The following CEP192 variants were observed in gnomAD, a reference collection of about 807,000 sequenced individuals.
The protein encoded by CEP192 is centrosomal protein 192.
CEP192 carries 151 observed loss-of-function variants against 271.8 expected under a neutral mutation model. The ratio of observed to expected loss-of-function variants is 0.56; its 90% CI spans 0.49 to 0.64. The LOEUF is 0.64. Among genes scored for constraint, CEP192 ranks in the 30% least tolerant of loss-of-function variants. The probability of loss-of-function intolerance (pLI) is 0.00; values close to 1 mark genes in which losing one functional copy is unlikely to be tolerated. For synonymous variants in CEP192, 995 were observed against 1,076.5 expected (o/e 0.92, Z 1.48); for missense variants, 2,910 against 3,020.5 (o/e 0.96, Z 0.86).
chr18:13,073,374 G>A (rs988831428), intron 30 of CEP192, among the ~76,000 whole-genome samples, 189 bp downstream of exon 30: 2 of 152,184 alleles, frequency 1.3e-5, no homozygotes, highest in Non-Finnish European at 2.9e-5. Flanking sequence ...AGCCAGCGTA[G>A]TATTCCTATA....
At chr18:13,078,832 A>G (rs2038433683) in intron 30 of CEP192, among the ~76,000 whole-genome samples, 1 of 151,716 alleles carries the variant, frequency 6.6e-6, no homozygotes, top group African/African-American at 2.4e-5. Flanking sequence ...TTTCCCACCC[A>G]GTGTCCAAGT....
At chr18:13,093,500 C>G (rs1477766117) in intron 34 of CEP192, among the ~76,000 whole-genome samples, 2 of 152,140 alleles carry the variant, frequency 1.3e-5, no homozygotes, top group Admixed American at 1.3e-4. Flanking sequence ...GTATCAGATC[C>G]ACAGAATCAA....
intron 44 of CEP192, 77 bp from the exon 45 acceptor site, chr18:13,124,555 C>T (rs2040818573): frequency 1.4e-6 from 2 of 1,408,142 alleles, no homozygotes; most frequent in Admixed American, 2.2e-5. Context: ...AACACCTGAG[C>T]CAGGCACTGT....
Position 13,059,187 on chromosome 18 carries a change from G to C in CEP192, c.4363G>C (p.Val1455Leu). 6.2e-7 allele frequency: 1 copy of C among 1,614,120 alleles called. No individual in the cohort carries two copies. Among genetic ancestry groups the C allele is most frequent in the Non-Finnish European group, 8.5e-7 (1 of 1,179,974 alleles). Residue 1455 changes from valine to leucine, a missense_variant, in exon 21 of 45, where the codon GTT becomes CTT. By Grantham distance (32) the Val-to-Leu change is conservative. Coordinates refer to ENST00000506447, the MANE Select transcript of CEP192 (RefSeq NM_032142.4). ...KVLFIPSSPG[V>L]FRCTFSVASW... Reference sequence around the variant, plus strand: ...GCTTTTTATACCATCCAGTCCTGGGGTTTTCAGATGCACATTCAGTGTTGC... The same window carrying C: ...GCTTTTTATACCATCCAGTCCTGGGCTTTTCAGATGCACATTCAGTGTTGC...
At chr18:13,086,905 C>A in intron 30 of CEP192, 112 bp from the exon 31 acceptor site, 3 of 741,730 alleles carry the variant, frequency 4.0e-6, no homozygotes, top group Non-Finnish European at 6.4e-6. Context: ...AGTACACAAA[C>A]ATTTAAATTT....
At position 13,096,239 on chromosome 18, in the gene CEP192, G is replaced by A. The variant is rs772067329; in HGVS notation, c.6489G>A (p.Leu2163=). The A allele has an allele frequency of 1.2e-5, 19 of 1,614,092 alleles. No individual in the cohort carries two copies. In the Admixed American group the frequency reaches 1.3e-4, roughly 11 times the overall value. The change falls in exon 36 of 45, where the codon CTG becomes CTA. Residue 2163 remains leucine (L), a synonymous_variant. Transcript: ENST00000506447. ...FQIVNNSVRL[L]RFELCWPAHC... ...TTGTGAATAACTCTGTGAGGTTACT[G>A]AGATTTGAGCTGTGCTGGCCAGCGC... is the stretch of plus-strand genomic sequence containing the variant.
At chr18:13,063,882 G>A (rs912664196) in intron 21 of CEP192, among the ~76,000 whole-genome samples, 2 of 150,054 alleles carry the variant, frequency 1.3e-5, no homozygotes, top group Non-Finnish European at 3.0e-5. Context: ...TTGCAGTGGC[G>A]TGATCTCGGC....
intron 30 of CEP192, among the ~76,000 whole-genome samples, chr18:13,075,718 G>A (rs1444063397): frequency 6.6e-6 from 1 of 152,152 alleles, no homozygotes; most frequent in East Asian, 1.9e-4. Flanking sequence ...TAAGATGGTG[G>A]ATTGTCACAT....
intron 9 of CEP192, among the ~76,000 whole-genome samples, chr18:13,029,368 GACA>G (rs2143517583): frequency 6.6e-6 from 1 of 152,298 alleles, no homozygotes; most frequent in South Asian, 2.1e-4. Flanking sequence ...AAGTTGGGCT[GACA>G]ACATTTCTAT....
chr18:13,098,844 G>T (rs2039557463), intron 36 of CEP192, among the ~76,000 whole-genome samples: 1 of 152,152 alleles, frequency 6.6e-6, no homozygotes, highest in African/African-American at 2.4e-5. Context: ...GGAGGTGGAG[G>T]TTGTAGCGAG....
intron 17 of CEP192, among the ~76,000 whole-genome samples, chr18:13,051,529 G>A (rs1252008330): frequency 6.6e-6 from 1 of 152,126 alleles, no homozygotes; most frequent in African/African-American, 2.4e-5. Flanking sequence ...ATACCGTCTT[G>A]ATTTGGGACT....
At chr18:13,117,397 A>G (rs189158919) in intron 43 of CEP192, among the ~76,000 whole-genome samples, 188 bp from the exon 44 acceptor site, 1 of 152,348 alleles carries the variant, frequency 6.6e-6, no homozygotes, top group Admixed American at 6.5e-5. Context: ...AGTTAAAACT[A>G]GATTAAATTC....
intron 33 of CEP192, among the ~76,000 whole-genome samples, 162 bp from the exon 34 acceptor site, chr18:13,092,215 T>C (rs533940100): frequency 1.8e-4 from 27 of 152,322 alleles, no homozygotes; most frequent in African/African-American, 6.3e-4. Flanking sequence ...GGTGCTGAAT[T>C]GACTGTAATT....
intron 13 of CEP192, among the ~76,000 whole-genome samples, chr18:13,038,823 T>C (rs2036047130): frequency 1.3e-5 from 2 of 152,216 alleles, no homozygotes; most frequent in Admixed American, 6.5e-5. Flanking sequence ...AGCACAGTTT[T>C]ATAGGGCTTT....
At chr18:13,039,108 C>G (rs1051381226) in intron 13 of CEP192, among the ~76,000 whole-genome samples, 1 of 152,156 alleles carries the variant, frequency 6.6e-6, no homozygotes, top group Non-Finnish European at 1.5e-5. Context: ...TTTAGCTATG[C>G]TGGTCAGGCT....
chr18:13,023,428 C>G (rs2035106832), intron 9 of CEP192, among the ~76,000 whole-genome samples: 1 of 147,394 alleles, frequency 6.8e-6, no homozygotes, highest in African/African-American at 2.5e-5. Flanking sequence ...GTTTCTCTCT[C>G]TAGTTTACTG....
intron 39 of CEP192, among the ~76,000 whole-genome samples, chr18:13,104,721 G>A (rs1187387309): frequency 6.6e-6 from 1 of 152,208 alleles, no homozygotes; most frequent in Non-Finnish European, 1.5e-5. Context: ...TTGACATTAT[G>A]AGCCTCACTA....
rs780980992 is a variant in CEP192, at chr18:13,099,550, TG to T, written c.6633del (p.Ile2212SerfsTer13). The part of the protein sequence containing the change: ...TKQSMFPWSG[L>X]IYIHCDDGQK... ...CAGTCAATGTTCCCGTGGAGTGGTTTGATCTATATACACTGTGACGATGGAC... is the reference window on the plus strand; with the variant it reads ...CAGTCAATGTTCCCGTGGAGTGGTTTATCTATATACACTGTGACGATGGAC... On this transcript the variant is annotated frameshift_variant, in exon 37 of 45. Coordinates refer to ENST00000506447, the MANE Select transcript of CEP192 (RefSeq NM_032142.4). LOFTEE classifies it high-confidence loss of function. 1.3e-6 allele frequency: 2 copies of T among 1,599,350 alleles called. No homozygotes were observed. Among genetic ancestry groups the T allele is most frequent in the Non-Finnish European group, 1.7e-6 (2 of 1,172,386 alleles).
At chr18:13,010,105 T>C (rs2034248208) in intron 4 of CEP192, among the ~76,000 whole-genome samples, 1 of 152,074 alleles carries the variant, frequency 6.6e-6, no homozygotes, top group Admixed American at 6.5e-5. Flanking sequence ...ATCATGCCAT[T>C]GCACTCCAGC....
Sources: gnomAD v4.1 joint callset for allele counts (sites outside exome capture counted in the v4.1 genomes callset) on GRCh38, gnomAD v4.1.1 for gene constraint, MANE v1.5 for transcripts, NCBI Gene and HGNC (gene_info 2026-07-23, HGNC 2026-07-21) for gene names.